Variants in BCKDHB observed in about 807,000 individuals in gnomAD.
The protein encoded by BCKDHB is branched chain keto acid dehydrogenase E1 subunit beta.
Under a neutral mutation model 48.5 loss-of-function variants are expected in BCKDHB, and 41 were observed. The observed-to-expected ratio is 0.85, with a 90% CI of 0.66 to 1.10. The LOEUF (loss-of-function observed/expected upper bound fraction) is 1.10. Ranked by LOEUF, BCKDHB falls within the 50% of genes least tolerant of loss-of-function variation. The pLI is 0.00. For missense variants in BCKDHB, 496 were observed against 494.2 expected (o/e 1.00, Z -0.03); for synonymous variants, 201 against 174.8 (o/e 1.15, Z -1.18).
chr6:80,351,645 C>CTTTTT, the BCKDHB span, among the ~76,000 whole-genome samples: 1 of 122,070 alleles, frequency 8.2e-6, no homozygotes, highest in Non-Finnish European at 1.6e-5. Flanking sequence ...TTTTTTTTTT[C>CTTTTT]TTTTTTTTTT....
chr6:80,456,624 C>T, the BCKDHB span, among the ~76,000 whole-genome samples: 1 of 152,204 alleles, frequency 6.6e-6, no homozygotes, highest in African/African-American at 2.4e-5. Flanking sequence ...AATATTTAGC[C>T]TGAAGGTCCT....
intron 8 of BCKDHB, among the ~76,000 whole-genome samples, chr6:80,237,022 T>A (rs1225925163): frequency 6.6e-6 from 1 of 152,242 alleles, no homozygotes; most frequent in African/African-American, 2.4e-5. Context: ...TAAATCATGC[T>A]ATTGTAGAAG....
At chr6:80,386,561 T>C in the BCKDHB span, among the ~76,000 whole-genome samples, 1 of 152,274 alleles carries the variant, frequency 6.6e-6, no homozygotes, top group African/African-American at 2.4e-5. Context: ...GTCACTCAAC[T>C]ACAAAATTTA....
chr6:80,272,316 A>T (rs953776757), intron 8 of BCKDHB, among the ~76,000 whole-genome samples: 2 of 152,144 alleles, frequency 1.3e-5, no homozygotes, highest in African/African-American at 4.8e-5. Context: ...AACAGATTTT[A>T]TTAAAGGTGA....
chr6:80,199,477 CG>C (rs1371078803), intron 6 of BCKDHB, among the ~76,000 whole-genome samples: 4 of 151,926 alleles, frequency 2.6e-5, no homozygotes, highest in Non-Finnish European at 5.9e-5. Flanking sequence ...ATAGTATTTT[CG>C]CATAAGAACT....
intron 8 of BCKDHB, among the ~76,000 whole-genome samples, chr6:80,271,248 G>C (rs1442373233): frequency 6.6e-6 from 1 of 152,116 alleles, no homozygotes; most frequent in Non-Finnish European, 1.5e-5. Context: ...TGTCATGGCT[G>C]TCTTTACATG....
intron 1 of BCKDHB, among the ~76,000 whole-genome samples, chr6:80,111,184 T>C (rs1208152873): frequency 6.6e-6 from 1 of 152,210 alleles, no homozygotes; most frequent in Non-Finnish European, 1.5e-5. Context: ...GGGAGGAAAG[T>C]TTTCCTACAT....
chr6:80,405,533 A>G, the BCKDHB span, among the ~76,000 whole-genome samples: 2 of 152,114 alleles, frequency 1.3e-5, no homozygotes, highest in Non-Finnish European at 2.9e-5. Context: ...ATTTAAATTA[A>G]TTATTCATAG....
At chr6:80,139,661 A>G (rs1164344344) in intron 3 of BCKDHB, among the ~76,000 whole-genome samples, 2 of 151,948 alleles carry the variant, frequency 1.3e-5, no homozygotes, top group Non-Finnish European at 2.9e-5. Context: ...CCATTGATCT[A>G]TGTCTCTGTT....
At chr6:80,174,095 T>C (rs371727457) in intron 6 of BCKDHB, among the ~76,000 whole-genome samples, 3 of 152,272 alleles carry the variant, frequency 2.0e-5, no homozygotes, top group East Asian at 3.9e-4. Context: ...AGTAAAAATT[T>C]AATAGATTGA....
At chr6:80,429,244 T>C in the BCKDHB span, among the ~76,000 whole-genome samples, 1 of 152,216 alleles carries the variant, frequency 6.6e-6, no homozygotes, top group Admixed American at 6.5e-5. Flanking sequence ...TCTGTTTTGG[T>C]ACCAATACCA....
At chr6:80,244,348 A>G (rs1331822202) in intron 8 of BCKDHB, among the ~76,000 whole-genome samples, 2 of 152,246 alleles carry the variant, frequency 1.3e-5, no homozygotes, top group African/African-American at 4.8e-5. Context: ...TAGGCAATGA[A>G]TGGTTTCAAA....
intron 8 of BCKDHB, among the ~76,000 whole-genome samples, chr6:80,262,379 C>T (rs181121388): frequency 5.3e-5 from 8 of 152,236 alleles, no homozygotes; most frequent in African/African-American, 1.9e-4. Flanking sequence ...CACACACGCA[C>T]ACACATATGA....
chr6:80,141,184 T>A (rs1297492866), intron 3 of BCKDHB, among the ~76,000 whole-genome samples: 1 of 152,138 alleles, frequency 6.6e-6, no homozygotes, highest in Non-Finnish European at 1.5e-5. Flanking sequence ...TCTATTCGAT[T>A]CTTCTCTCTT....
the BCKDHB span, among the ~76,000 whole-genome samples, chr6:80,353,342 CAT>C: frequency 3.3e-5 from 5 of 152,196 alleles, no homozygotes; most frequent in Admixed American, 3.3e-4. Flanking sequence ...ATGATAAACA[CAT>C]GAGTGCAGGT....
intron 9 of BCKDHB, among the ~76,000 whole-genome samples, chr6:80,282,278 A>C (rs542905960): frequency 7.2e-5 from 11 of 152,302 alleles, no homozygotes; most frequent in African/African-American, 2.6e-4. Flanking sequence ...ACTGCTTAAA[A>C]ATGAATTTTA....
intron 9 of BCKDHB, among the ~76,000 whole-genome samples, chr6:80,274,147 T>C (rs73463530): frequency 0.054 from 8,278 of 152,076 alleles, 339 homozygotes; most frequent in South Asian, 0.2. Context: ...GATGTTTAAT[T>C]AGTAAACAAT....
chr6:80,391,498 G>A, the BCKDHB span, among the ~76,000 whole-genome samples: 1 of 152,110 alleles, frequency 6.6e-6, no homozygotes, highest in East Asian at 1.9e-4. Flanking sequence ...AAACCAAGGA[G>A]CACCGAGGAT....
intron 9 of BCKDHB, among the ~76,000 whole-genome samples, chr6:80,316,891 A>G (rs868397028): frequency 9.2e-5 from 14 of 152,266 alleles, no homozygotes; most frequent in African/African-American, 2.4e-4. Flanking sequence ...ATTGTTTTCA[A>G]ATGTGCTTAG....
Sources: allele counts gnomAD v4.1 joint callset (sites outside exome capture counted in the v4.1 genomes callset), GRCh38; gene constraint gnomAD v4.1.1; transcripts MANE v1.5; gene names NCBI Gene and HGNC (gene_info 2026-07-23, HGNC 2026-07-21).